Variants in BLM observed in about 807,000 individuals in gnomAD.
The protein encoded by BLM is recQ-like DNA helicase BLM.
In BLM, 95 loss-of-function variants were observed where a neutral mutation model predicts 135.3. The observed-to-expected ratio is 0.70, with a 90% CI of 0.59 to 0.83. BLM has a LOEUF of 0.83. Ranked by LOEUF, BLM falls within the 40% of genes least tolerant of loss-of-function variation. The pLI, the probability that BLM is intolerant of heterozygous loss-of-function variation, is 0.00. For missense variants in BLM, 1,518 were observed against 1,663.9 expected, an observed-to-expected ratio of 0.91 and a Z score of 1.53; for synonymous variants, 520 against 589.2, an observed-to-expected ratio of 0.88 and a Z score of 1.70.
In BLM at chr15:90,760,650, C is replaced by T. The variant is rs768127491; in HGVS notation, c.1277C>T (p.Ser426Leu). ...AAAAGTGATGCCAGTCTTCTTGGCT[C>T]ATTGTGGAGATACAGGCCTGATTCA... The part of the protein sequence containing the change: ...FNKSDASLLG[S>L]LWRYRPDSLD... Residue 426 changes from serine (S) to leucine (L), a missense_variant, in exon 7 of 22, where the codon TCA becomes TTA. By Grantham distance (145) the Ser-to-Leu change is moderately radical. Transcript: ENST00000355112. The T allele has an allele frequency of 9.3e-6, 15 of 1,613,072 alleles. No homozygotes were observed. Among genetic ancestry groups the T allele is most frequent in the East Asian group, 4.5e-5 (2 of 44,868 alleles).
chr15:90,750,338 C>T (rs1895648272), intron 3 of BLM, among the ~76,000 whole-genome samples: 1 of 152,128 alleles, frequency 6.6e-6, no homozygotes, highest in Admixed American at 6.5e-5. Context: ...CACAGCTTTG[C>T]ATTCTCTGAG....
intron 12 of BLM, among the ~76,000 whole-genome samples, chr15:90,778,889 C>CTTTTTTTTTTTT (rs60733714): frequency 3.0e-5 from 4 of 135,084 alleles, no homozygotes; most frequent in East Asian, 2.2e-4. Context: ...TTAACCCTTT[C>CTTTTTTTTTTTT]TTTTTTTTTT....
At position 90,754,794 on chromosome 15, in the gene BLM, A is replaced by T. The variant is rs1567037887; in HGVS notation, c.960-17A>T. On this transcript the variant is annotated splice_polypyrimidine_tract_variant and intron_variant, in intron 4 of 21. Transcript: ENST00000355112. Reference sequence around the variant, plus strand: ...TAGCCTATAGTATGATTGGCTTAACATTTTTTTTATTTGCAGTACGTTAAA... The same window carrying T: ...TAGCCTATAGTATGATTGGCTTAACTTTTTTTTTATTTGCAGTACGTTAAA... 5 of 1,611,152 alleles carry T rather than the reference A, an allele frequency of 3.1e-6. No homozygotes were observed. The highest frequency in any genetic ancestry group is 4.2e-6 in the Non-Finnish European group (5 of 1,178,218).
intron 21 of BLM, among the ~76,000 whole-genome samples, chr15:90,812,651 CCA>C (rs113346622): frequency 0.19 from 29,015 of 152,000 alleles, 2,911 homozygotes; most frequent in African/African-American, 0.25. Context: ...AAAAAAAAGT[CCA>C]CAGTCAACTT....
intron 1 of BLM, among the ~76,000 whole-genome samples, chr15:90,719,102 C>A (rs1461362726): frequency 1.3e-5 from 2 of 152,122 alleles, no homozygotes; most frequent in Admixed American, 6.5e-5. Context: ...TGCCATTCTC[C>A]TGCCTCAGCC....
At chr15:90,756,671 T>G (rs1425136106) in intron 5 of BLM, among the ~76,000 whole-genome samples, 1 of 152,240 alleles carries the variant, frequency 6.6e-6, no homozygotes, top group African/African-American at 2.4e-5. Context: ...CTTACAACAG[T>G]CCATTCATCA....
At chr15:90,786,500 G>A (rs187654342) in intron 14 of BLM, among the ~76,000 whole-genome samples, 114 of 152,290 alleles carry the variant, frequency 7.5e-4, no homozygotes, top group Non-Finnish European at 1.2e-4. Context: ...AATGTATGAG[G>A]TGCCAGTGTC....
At chr15:90,782,694 G>A (rs144360185) in intron 12 of BLM, 128 bp from the exon 13 acceptor site, 195 of 699,458 alleles carry the variant, frequency 2.8e-4, no homozygotes, top group Non-Finnish European at 1.8e-4. Flanking sequence ...ATTATCTCCC[G>A]GAGGCTCCAA....
intron 1 of BLM, among the ~76,000 whole-genome samples, chr15:90,739,255 G>T (rs1371459141): frequency 6.6e-6 from 1 of 152,088 alleles, no homozygotes; most frequent in Non-Finnish European, 1.5e-5. Flanking sequence ...AGAAAAATTA[G>T]CTGGGCTTGA....
chr15:90,779,661 C>G (rs1250858956), intron 12 of BLM, among the ~76,000 whole-genome samples: 1 of 152,082 alleles, frequency 6.6e-6, no homozygotes, highest in African/African-American at 2.4e-5. Flanking sequence ...ACGGTAGTCT[C>G]AAAGACTTTC....
At chr15:90,803,251 CTCTT>C (rs1312996121) in intron 17 of BLM, among the ~76,000 whole-genome samples, 1 of 151,788 alleles carries the variant, frequency 6.6e-6, no homozygotes, top group Non-Finnish European at 1.5e-5. Flanking sequence ...TTTATGTAAA[CTCTT>C]TCTTTGATTT....
chr15:90,793,947 G>T, intron 15 of BLM: 1 of 289,714 alleles, frequency 3.5e-6, no homozygotes, highest in Non-Finnish European at 6.3e-6. Flanking sequence ...ATGAAGATTT[G>T]AAAAAAAAAA....
At chr15:90,762,885 CT>C (rs1388338220) in intron 7 of BLM, 80 bp from the exon 8 acceptor site, 2 of 1,300,076 alleles carry the variant, frequency 1.5e-6, no homozygotes, top group African/African-American at 3.0e-5. Flanking sequence ...GCCAGTGATT[CT>C]GCAGGGCAAG....
At chr15:90,807,039 C>G (rs1278184870) in intron 19 of BLM, among the ~76,000 whole-genome samples, 1 of 152,198 alleles carries the variant, frequency 6.6e-6, no homozygotes, top group East Asian at 1.9e-4. Flanking sequence ...AGTTCACATT[C>G]AAAGCCTGAC....
In BLM at chr15:90,761,063, G is replaced by A; in HGVS notation, c.1690G>A (p.Asp564Asn). 1.3e-6 allele frequency: 2 copies of A among 1,582,778 alleles called. No individual in the cohort carries two copies. The highest frequency in any genetic ancestry group is 2.3e-5 in the South Asian group (2 of 85,244). The change falls in exon 7 of 22, where the codon GAT becomes AAT. Residue 564 changes from aspartate (D) to asparagine (N), a missense_variant. Asp to Asn is a conservative substitution (Grantham distance 23). Coordinates refer to ENST00000355112, the MANE Select transcript of BLM (RefSeq NM_000057.4). Reference sequence around the variant, plus strand: ...TTTTGACATAGATGACTTTGATGATGATGATGACTGGGAAGACATAATGCA... The same window carrying A: ...TTTTGACATAGATGACTTTGATGATAATGATGACTGGGAAGACATAATGCA... ...DNFDIDDFDD[D>N]DDWEDIMHNL...
chr15:90,794,263 T>C lies in BLM; in HGVS notation c.3116T>C (p.Ile1039Thr), dbSNP rs1896976347. Residue 1039 changes from isoleucine (I) to threonine (T), a missense_variant, in exon 16 of 22, where the codon ATA (isoleucine) becomes ACA (threonine). Coordinates refer to ENST00000355112, the MANE Select transcript of BLM (RefSeq NM_000057.4). ...GAAAATATAACGGAATGCAGGAGAA[T>C]ACAGCTTTTGGCCTACTTTGGTGAA... ...YCENITECRR[I>T]QLLAYFGENG... 1.2e-6 allele frequency: 2 copies of C among 1,607,144 alleles called. No individual in the cohort carries two copies.
intron 19 of BLM, among the ~76,000 whole-genome samples, chr15:90,807,239 A>G (rs1375469968): frequency 6.6e-6 from 1 of 152,204 alleles, no homozygotes; most frequent in Non-Finnish European, 1.5e-5. Flanking sequence ...GTGTCAACAG[A>G]AGGTTGTACA....
At chr15:90,740,155 G>A (rs1324140830) in intron 1 of BLM, among the ~76,000 whole-genome samples, 1 of 152,086 alleles carries the variant, frequency 6.6e-6, no homozygotes, top group African/African-American at 2.4e-5. Context: ...TCACAGTTAT[G>A]CAACCATCAC....
At chr15:90,722,094 G>T (rs1431424008) in intron 1 of BLM, among the ~76,000 whole-genome samples, 2 of 152,066 alleles carry the variant, frequency 1.3e-5, no homozygotes, top group African/African-American at 2.4e-5. Flanking sequence ...AGACCAGCCT[G>T]GCCAACAGGG....
Sources: gnomAD v4.1 joint callset for allele counts (sites outside exome capture counted in the v4.1 genomes callset) on GRCh38, gnomAD v4.1.1 for gene constraint, MANE v1.5 for transcripts, NCBI Gene and HGNC (gene_info 2026-07-23, HGNC 2026-07-21) for gene names.